CLNK: variants seen among roughly 807,000 people sequenced by gnomAD.
CLNK encodes the protein cytokine-dependent hematopoietic cell linker.
Under a neutral mutation model 68.6 loss-of-function variants are expected in CLNK, and 74 were observed. The observed-to-expected ratio is 1.08, with a 90% CI of 0.89 to 1.31. The LOEUF (loss-of-function observed/expected upper bound fraction) is 1.31. CLNK is among the 50% of genes most tolerant of loss of function. The pLI is 0.00. For synonymous variants in CLNK, 198 were observed against 172.2 expected (o/e 1.15, Z -1.17); for missense variants, 553 against 515.3 (o/e 1.07, Z -0.71).
chr4:10,624,616 TTTA>T (rs1215916457), intron 2 of CLNK, among the ~76,000 whole-genome samples: 25 of 132,752 alleles, frequency 1.9e-4, no homozygotes, highest in Middle Eastern at 4.2e-3. Context: ...TTTTTTTTTT[TTTA>T]AACTTATTTG....
intron 5 of CLNK, among the ~76,000 whole-genome samples, chr4:10,571,164 C>T (rs1456256492): frequency 6.6e-6 from 1 of 152,084 alleles, no homozygotes; most frequent in African/African-American, 2.4e-5. Flanking sequence ...GGTATTTTCA[C>T]TTTATTCAGC....
chr4:10,575,459 A>G (rs1720525000), intron 4 of CLNK, among the ~76,000 whole-genome samples: 1 of 152,234 alleles, frequency 6.6e-6, no homozygotes, highest in Non-Finnish European at 1.5e-5. Context: ...GTGTCAAGCA[A>G]AAATTAAAGA....
Position 10,665,021 on chromosome 4 carries a change from G to A in CLNK, c.11+2838C>T, listed in dbSNP as rs375978569. 3.9e-5 allele frequency among the ~76,000 whole-genome samples: 6 copies of A among 152,196 alleles called. No homozygotes were observed. In the South Asian group the frequency reaches 1.2e-3, roughly 32 times the overall value. On this transcript the variant is annotated intron_variant, in intron 2 of 18. Transcript: ENST00000226951. ...GAGTTTGGGACTAGGGGAGGAAAAG[G>A]ATGCTCTGAGCTTTAGGAAAGAAGA...
At chr4:10,658,234 T>A (rs955640185) in intron 2 of CLNK, among the ~76,000 whole-genome samples, 1 of 152,220 alleles carries the variant, frequency 6.6e-6, no homozygotes, top group Non-Finnish European at 1.5e-5. Flanking sequence ...ACTTGCTGAT[T>A]TATTATTATT....
chr4:10,582,919 A>G (rs1056034265), intron 4 of CLNK, among the ~76,000 whole-genome samples: 4 of 152,176 alleles, frequency 2.6e-5, no homozygotes, highest in Non-Finnish European at 5.9e-5. Context: ...TAAATATACA[A>G]TCACTCCTTG....
At chr4:10,495,916 C>T (rs550007715) in intron 18 of CLNK, among the ~76,000 whole-genome samples, 1 of 152,272 alleles carries the variant, frequency 6.6e-6, no homozygotes, top group Admixed American at 6.5e-5. Context: ...GGATTGCTGG[C>T]AGCCACGGAA....
the CLNK span, among the ~76,000 whole-genome samples, chr4:10,721,305 T>G: frequency 6.6e-6 from 1 of 152,084 alleles, no homozygotes; most frequent in Non-Finnish European, 1.5e-5. Context: ...CGTATAATAG[T>G]TTTGAAAGGA....
chr4:10,689,470 T>G, upstream of CLNK, among the ~76,000 whole-genome samples: 1 of 152,176 alleles, frequency 6.6e-6, no homozygotes, highest in African/African-American at 2.4e-5. Context: ...CAAATTTAAA[T>G]GAAGAAAGAA....
intron 4 of CLNK, among the ~76,000 whole-genome samples, chr4:10,573,320 T>C (rs140507287): frequency 3.3e-5 from 5 of 152,258 alleles, no homozygotes; most frequent in Non-Finnish European, 5.9e-5. Flanking sequence ...ATGGGAAGTG[T>C]TAATGAGACA....
chr4:10,585,999 G>A (rs1002213950), intron 3 of CLNK, among the ~76,000 whole-genome samples: 119 of 152,256 alleles, frequency 7.8e-4, no homozygotes, highest in African/African-American at 2.7e-3. Context: ...ATCATCATGC[G>A]TTGGTAGGAG....
the CLNK span, among the ~76,000 whole-genome samples, chr4:10,705,383 A>G: frequency 6.6e-6 from 1 of 152,236 alleles, no homozygotes; most frequent in Non-Finnish European, 1.5e-5. Flanking sequence ...CTTAAACAAT[A>G]CAGTTTTAAA....
Position 10,507,518 on chromosome 4 carries a change from C to T in CLNK, c.984+441G>A, listed in dbSNP as rs187551780. Among the ~76,000 whole-genome samples the T allele has an allele frequency of 2.1e-4, 32 of 151,992 alleles. No homozygotes were observed. In the East Asian group the frequency reaches 6.2e-3, roughly 29 times the overall value. ...TCACTCTGTTGCCCAGGCTGGAGTG[C>T]AGTGGCACAGTCTTGGCTCACTGCA... is the stretch of plus-strand genomic sequence containing the variant. On this transcript the variant is annotated intron_variant, in intron 17 of 18. Coordinates refer to ENST00000226951, the MANE Select transcript of CLNK (RefSeq NM_052964.4).
At chr4:10,595,997 T>C (rs574983658) in intron 3 of CLNK, among the ~76,000 whole-genome samples, 1 of 152,288 alleles carries the variant, frequency 6.6e-6, no homozygotes, top group Admixed American at 6.5e-5. Context: ...GATTCAATAG[T>C]GAACATGAGA....
chr4:10,507,980 C>G lies in CLNK; in HGVS notation c.963G>C (p.Glu321Asp). 1.2e-6 allele frequency: 2 copies of G among 1,609,796 alleles called. No homozygotes were observed. The highest frequency in any genetic ancestry group is 2.2e-5 in the South Asian group (2 of 89,638). Reference sequence around the variant, plus strand: ...TTACCTTGTTCTCCTTCATGAATGCCTCTTCCACTGCCTGGCGGCTGTATT... The same window carrying G: ...TTACCTTGTTCTCCTTCATGAATGCGTCTTCCACTGCCTGGCGGCTGTATT... ...IGEYSRQAVE[E>D]AFMKENKDGS... The change falls in exon 17 of 19, where the codon GAG becomes GAC. Residue 321 changes from glutamate (E) to aspartate (D), a missense_variant. By Grantham distance (45) the Glu-to-Asp change is conservative. Coordinates refer to ENST00000226951, the MANE Select transcript of CLNK (RefSeq NM_052964.4).
the CLNK span, among the ~76,000 whole-genome samples, chr4:10,713,402 C>T: frequency 6.6e-6 from 1 of 152,220 alleles, no homozygotes; most frequent in African/African-American, 2.4e-5. Flanking sequence ...TTAATCTTAA[C>T]TCCTGTCCAA....
In CLNK at chr4:10,486,940, C is replaced by G. The variant is rs1716373651; in HGVS notation, c.*3527G>C. 6.6e-6 allele frequency: 1 copy of G among 152,176 alleles called. No individual in the cohort carries two copies. Among genetic ancestry groups the G allele is most frequent in the Non-Finnish European group, 1.5e-5 (1 of 68,040 alleles). 9.4% of individuals were successfully genotyped at this position (152,176 alleles called of 1,614,324 possible). A position where few individuals can be genotyped will look rare whatever the true frequency, so the allele number is the denominator to read the frequency against. ...TTATTCACTGCTCTATTTTCAACAT[C>G]TACAATAGTGCTTAGTAATGAATAC... On this transcript the variant is annotated 3_prime_UTR_variant, in exon 19 of 19. Transcript: ENST00000226951.
the CLNK span, among the ~76,000 whole-genome samples, chr4:10,712,625 T>C: frequency 6.6e-6 from 1 of 152,230 alleles, no homozygotes; most frequent in Non-Finnish European, 1.5e-5. Flanking sequence ...TGTTAAGGCA[T>C]AAGCAGAAGT....
At chr4:10,596,751 C>T (rs1482363017) in intron 3 of CLNK, among the ~76,000 whole-genome samples, 1 of 152,002 alleles carries the variant, frequency 6.6e-6, no homozygotes, top group Admixed American at 6.6e-5. Context: ...TTTAATATAT[C>T]TTGAGCATGC....
At chr4:10,713,005 T>C in the CLNK span, among the ~76,000 whole-genome samples, 2 of 152,206 alleles carry the variant, frequency 1.3e-5, no homozygotes, top group Non-Finnish European at 2.9e-5. Flanking sequence ...CACCAAGTTA[T>C]GCTTAAAAAA....
Sources: allele counts gnomAD v4.1 joint callset (sites outside exome capture counted in the v4.1 genomes callset), GRCh38; gene constraint gnomAD v4.1.1; transcripts MANE v1.5; gene names NCBI Gene and HGNC (gene_info 2026-07-23, HGNC 2026-07-21).